ATP8A2: variants seen among roughly 807,000 people sequenced by gnomAD.
The protein encoded by ATP8A2 is ATPase phospholipid transporting 8A2, also known as phospholipid-transporting ATPase IB.
Under a neutral mutation model 165.6 loss-of-function variants are expected in ATP8A2, and 100 were observed. That is an observed-to-expected ratio of 0.60 (90% CI 0.51 to 0.71). The LOEUF is 0.71. Ranked by LOEUF, ATP8A2 falls within the 30% of genes least tolerant of loss-of-function variation. The probability of loss-of-function intolerance (pLI) is 0.00; values close to 1 mark genes in which losing one functional copy is unlikely to be tolerated. For missense variants in ATP8A2, 1,227 were observed against 1,479.5 expected (o/e 0.83, Z 2.80); for synonymous variants, 543 against 548.8 (o/e 0.99, Z 0.15).
chr13:25,821,657 C>A (rs535897525), intron 27 of ATP8A2, among the ~76,000 whole-genome samples: 11 of 152,182 alleles, frequency 7.2e-5, no homozygotes, highest in Non-Finnish European at 1.6e-4. Context: ...TCGGGTTGAC[C>A]AAATAAACTT....
intron 24 of ATP8A2, among the ~76,000 whole-genome samples, chr13:25,656,208 A>G (rs2041923378): frequency 6.6e-6 from 1 of 152,196 alleles, no homozygotes; most frequent in Non-Finnish European, 1.5e-5. Context: ...AGTAGCTGAC[A>G]GTGCTCAAGT....
chr13:25,687,950 T>A (rs1216111056), intron 24 of ATP8A2, among the ~76,000 whole-genome samples: 9 of 152,084 alleles, frequency 5.9e-5, no homozygotes, highest in African/African-American at 2.2e-4. Context: ...ACAAGCTCCC[T>A]GTAGACTCTG....
chr13:25,524,156 T>C (rs1249723627), intron 2 of ATP8A2, among the ~76,000 whole-genome samples: 4 of 152,052 alleles, frequency 2.6e-5, no homozygotes, highest in Non-Finnish European at 5.9e-5. Flanking sequence ...TTTCCATGGG[T>C]TTGTGTAGTT....
chr13:25,617,288 T>C (rs2040850885), intron 24 of ATP8A2, among the ~76,000 whole-genome samples: 1 of 152,242 alleles, frequency 6.6e-6, no homozygotes, highest in African/African-American at 2.4e-5. Context: ...TTATTTATCA[T>C]TTTCTAAGAG....
intron 33 of ATP8A2, among the ~76,000 whole-genome samples, chr13:25,948,729 A>T (rs538937274): frequency 6.6e-6 from 1 of 152,292 alleles, no homozygotes; most frequent in South Asian, 2.1e-4. Flanking sequence ...TCATACACAA[A>T]AAGGAGCACA....
chr13:25,961,425 T>C, intron 33 of ATP8A2, 150 bp from the exon 34 acceptor site: 3 of 615,812 alleles, frequency 4.9e-6, no homozygotes, highest in South Asian at 3.9e-5. Flanking sequence ...TCCGTCCCCC[T>C]GATGGTCCTG....
At chr13:25,627,457 T>TG (rs2041130969) in intron 24 of ATP8A2, among the ~76,000 whole-genome samples, 1 of 152,128 alleles carries the variant, frequency 6.6e-6, no homozygotes. Flanking sequence ...GAAGCAATTA[T>TG]GGTTAAATGA....
chr13:25,873,482 G>C (rs150470705), intron 33 of ATP8A2, among the ~76,000 whole-genome samples: 1 of 152,020 alleles, frequency 6.6e-6, no homozygotes, highest in Non-Finnish European at 1.5e-5. Flanking sequence ...CCTTCTAAAT[G>C]GTTCCTTTAT....
chr13:25,401,602 G>A (rs2033637843), intron 1 of ATP8A2, among the ~76,000 whole-genome samples: 1 of 152,116 alleles, frequency 6.6e-6, no homozygotes. Flanking sequence ...GTGAGTGACA[G>A]AAATAAGTGC....
chr13:25,887,168 G>T (rs1215337540), intron 33 of ATP8A2, among the ~76,000 whole-genome samples: 1 of 152,088 alleles, frequency 6.6e-6, no homozygotes, highest in Non-Finnish European at 1.5e-5. Flanking sequence ...AGTGTCTGGG[G>T]TTTTTTCAAA....
chr13:25,518,124 C>G (rs1185443360), intron 2 of ATP8A2, among the ~76,000 whole-genome samples: 1 of 152,206 alleles, frequency 6.6e-6, no homozygotes, highest in Non-Finnish European at 1.5e-5. Context: ...TGGTGTTGCT[C>G]TTGTTCTTTC....
In ATP8A2 at chr13:25,754,534, C is replaced by A. The variant is rs189604335; in HGVS notation, c.2385-14512C>A. Among the ~76,000 whole-genome samples the A allele has an allele frequency of 3.6e-3, 553 of 152,050 alleles. 5 individuals carry two copies. Among genetic ancestry groups the A allele is most frequent in the Non-Finnish European group, 5.0e-3 (343 of 68,004 alleles). Reference sequence around the variant, plus strand: ...TCCTTTGACTGGAAATTAATACCTTCAATTTAGAAGAACTCTAGTTAGAAG... The same window carrying A: ...TCCTTTGACTGGAAATTAATACCTTAAATTTAGAAGAACTCTAGTTAGAAG... On this transcript the variant is annotated intron_variant, in intron 25 of 36. Coordinates refer to ENST00000381655, the MANE Select transcript of ATP8A2 (RefSeq NM_016529.6).
intron 33 of ATP8A2, among the ~76,000 whole-genome samples, chr13:25,933,963 C>A (rs1954825181): frequency 6.6e-6 from 1 of 152,198 alleles, no homozygotes; most frequent in Admixed American, 6.5e-5. Flanking sequence ...CTGAGTCAGT[C>A]TGGGCTGATG....
intron 27 of ATP8A2, among the ~76,000 whole-genome samples, chr13:25,806,697 G>T (rs866702991): frequency 1.3e-5 from 2 of 152,136 alleles, no homozygotes; most frequent in Non-Finnish European, 2.9e-5. Context: ...ATACCTAGAA[G>T]TGGAATTGGT....
At chr13:25,532,004 C>T (rs562114746) in intron 4 of ATP8A2, among the ~76,000 whole-genome samples, 118 of 152,178 alleles carry the variant, frequency 7.8e-4, no homozygotes, top group Non-Finnish European at 1.6e-3. Context: ...ACTGAATAAT[C>T]ATTTCAGTCT....
At chr13:25,680,854 G>A (rs1263737434) in intron 24 of ATP8A2, among the ~76,000 whole-genome samples, 1 of 152,188 alleles carries the variant, frequency 6.6e-6, no homozygotes, top group African/African-American at 2.4e-5. Context: ...TGTACTTGGT[G>A]TGGGCGCTTG....
intron 35 of ATP8A2, among the ~76,000 whole-genome samples, chr13:25,996,334 C>T (rs1429628908): frequency 6.6e-6 from 1 of 152,118 alleles, no homozygotes; most frequent in Non-Finnish European, 1.5e-5. Context: ...ACACCTAGCT[C>T]TACATACATT....
rs745322621 is a variant in ATP8A2 at position 25,621,513 on chromosome 13, A to C, written c.2211+31814A>C. On this transcript the variant is annotated intron_variant, in intron 24 of 36. Transcript: ENST00000381655. ...CTTCCCAACCAGAGGTGTTATCTGC[A>C]GAGACTTTTTTTATCAGACTGAAAT... Among the ~76,000 whole-genome samples, 90 of 152,196 alleles carry C rather than the reference A, an allele frequency of 5.9e-4. 1 individual carries two copies. Among genetic ancestry groups the C allele is most frequent in the Non-Finnish European group, 1.5e-4 (10 of 68,036 alleles).
chr13:25,502,274 G>A (rs1280975634), intron 2 of ATP8A2, among the ~76,000 whole-genome samples: 1 of 152,218 alleles, frequency 6.6e-6, no homozygotes, highest in African/African-American at 2.4e-5. Flanking sequence ...AAGCCATGAT[G>A]GCACTGGCAA....
Sources: gnomAD v4.1 joint callset for allele counts (sites outside exome capture counted in the v4.1 genomes callset) on GRCh38, gnomAD v4.1.1 for gene constraint, MANE v1.5 for transcripts, NCBI Gene and HGNC (gene_info 2026-07-23, HGNC 2026-07-21) for gene names.